The following KIF18A variants were observed in gnomAD, a reference collection of about 807,000 sequenced individuals.
KIF18A encodes kinesin-like protein KIF18A.
A neutral mutation model predicts 103.3 loss-of-function variants in KIF18A; 67 were observed. The observed-to-expected ratio is 0.65, with a 90% confidence interval of 0.53 to 0.79. The LOEUF is 0.79. Ranked by LOEUF, KIF18A falls within the 30% of genes least tolerant of loss-of-function variation. KIF18A has a pLI of 0.00. For missense variants in KIF18A, 1,032 were observed against 1,062.5 expected, an observed-to-expected ratio of 0.97 and a Z score of 0.40; for synonymous variants, 367 against 355.5, an observed-to-expected ratio of 1.03 and a Z score of -0.36.
intron 13 of KIF18A, among the ~76,000 whole-genome samples, chr11:28,054,625 A>G (rs1229868207): frequency 1.3e-5 from 2 of 152,224 alleles, no homozygotes; most frequent in Non-Finnish European, 2.9e-5. Flanking sequence ...CACCGTTCCT[A>G]TTATTCCTCC....
chr11:28,047,056 GAAAA>G (rs60204007), intron 13 of KIF18A, among the ~76,000 whole-genome samples: 2 of 71,138 alleles, frequency 2.8e-5, no homozygotes, highest in East Asian at 4.2e-4. Context: ...CTTCGTCTCA[GAAAA>G]AAAAAAAAAA....
chr11:28,097,165 C>T (rs1851386528), intron 2 of KIF18A, among the ~76,000 whole-genome samples: 1 of 152,030 alleles, frequency 6.6e-6, no homozygotes, highest in Admixed American at 6.6e-5. Context: ...TCAGTCTCCT[C>T]CTATCCTTCG....
At chr11:28,030,688 A>C (rs1420158335) in intron 15 of KIF18A, among the ~76,000 whole-genome samples, 4 of 150,998 alleles carry the variant, frequency 2.6e-5, no homozygotes, top group Non-Finnish European at 5.9e-5. Flanking sequence ...AATGGGATCT[A>C]ATTAAACTAA....
chr11:28,027,010 TCTGTTATA>T (rs1383466628), intron 15 of KIF18A, among the ~76,000 whole-genome samples: 2 of 151,822 alleles, frequency 1.3e-5, no homozygotes, highest in Non-Finnish European at 2.9e-5. Flanking sequence ...ATTCCAAGTC[TCTGTTATA>T]CTTTGTTTAG....
chr11:28,090,494 A>G (rs1232218896), intron 5 of KIF18A, 123 bp downstream of exon 5: 1 of 552,400 alleles, frequency 1.8e-6, no homozygotes, highest in Non-Finnish European at 3.2e-6. Flanking sequence ...GCTATAAAGG[A>G]AAGTACTGAC....
chr11:28,073,580 T>C (rs1185510644), intron 10 of KIF18A, among the ~76,000 whole-genome samples: 1 of 152,134 alleles, frequency 6.6e-6, no homozygotes. Context: ...GTGCCTCTGT[T>C]CCTCACAAAT....
In KIF18A at chr11:28,065,913, C is replaced by G. The variant is rs533823675; in HGVS notation, c.1590+3346G>C. ...ATATTTAAAATTTTTAATGAATATA[C>G]TTAATGCCACTGAACTGTATATGTA... On this transcript the variant is annotated intron_variant, in intron 11 of 16. Transcript: ENST00000263181. Among the ~76,000 whole-genome samples the G allele has an allele frequency of 7.2e-5, 11 of 152,034 alleles. No individual in the cohort carries two copies. In the East Asian group the frequency reaches 2.1e-3, roughly 29 times the overall value.
chr11:28,053,552 G>A (rs1323740482), intron 13 of KIF18A, among the ~76,000 whole-genome samples: 2 of 151,728 alleles, frequency 1.3e-5, no homozygotes, highest in Non-Finnish European at 2.9e-5. Context: ...TGTGCACAAC[G>A]TGCAGGTTAG....
intron 9 of KIF18A, 107 bp downstream of exon 9, chr11:28,082,749 T>C (rs1851181153): frequency 1.6e-6 from 1 of 635,622 alleles, no homozygotes. Context: ...TAAACATACA[T>C]ATCTATGTAC....
At chr11:28,089,531 A>C (rs775742606) in intron 5 of KIF18A, among the ~76,000 whole-genome samples, 13 of 152,200 alleles carry the variant, frequency 8.5e-5, no homozygotes, top group East Asian at 3.8e-4. Context: ...TACACCAACA[A>C]CACCACAAAC....
At position 28,097,967 on chromosome 11, in the gene KIF18A, T is replaced by C. The variant is rs1774316732; in HGVS notation, c.-20A>G. 2 of 1,504,394 alleles carry C rather than the reference T, an allele frequency of 1.3e-6. No individual in the cohort carries two copies. Among genetic ancestry groups the C allele is most frequent in the Non-Finnish European group, 1.8e-6 (2 of 1,116,374 alleles). The allele number at this position is 1,504,394 out of a possible 1,614,324, so 93.2% of individuals were successfully genotyped here. A position where few individuals can be genotyped will look rare whatever the true frequency, so the allele number is the denominator to read the frequency against. On this transcript the variant is annotated 5_prime_UTR_variant, in exon 2 of 17. In the 5' UTR this introduces an upstream ATG that the reference lacks. Coordinates refer to ENST00000263181, the MANE Select transcript of KIF18A (RefSeq NM_031217.4). ...AGACATTGTTGATTATCTTGATTCCTATCTGTATAAATACTTGAATACTTC... is the reference window on the plus strand; with the variant it reads ...AGACATTGTTGATTATCTTGATTCCCATCTGTATAAATACTTGAATACTTC...
At chr11:28,045,837 A>C (rs1284080750) in intron 13 of KIF18A, among the ~76,000 whole-genome samples, 5 of 151,600 alleles carry the variant, frequency 3.3e-5, no homozygotes, top group African/African-American at 1.2e-4. Flanking sequence ...CAATGAACTC[A>C]AACAAATTTA....
chr11:28,102,826 T>C (rs1314907843), intron 1 of KIF18A, among the ~76,000 whole-genome samples: 2 of 152,186 alleles, frequency 1.3e-5, no homozygotes, highest in African/African-American at 4.8e-5. Flanking sequence ...ATTAATGAGA[T>C]CGTTCCTACA....
In KIF18A at chr11:28,036,385, T is replaced by A; in HGVS notation, c.2228A>T (p.Asn743Ile). 1 of 1,611,282 alleles carries A rather than the reference T, an allele frequency of 6.2e-7. No individual in the cohort carries two copies. Among genetic ancestry groups the A allele is most frequent in the Non-Finnish European group, 8.5e-7 (1 of 1,178,236 alleles). ...TACTTCACACAACATTTTCAGACAA[T>A]TATCACTGTTTATGTTTGAGCTGAT... ...QAISSNINSD[N>I]CLKMLCEVAI... is the part of the protein sequence containing the mutation. Residue 743 changes from asparagine (N) to isoleucine (I), a missense_variant, in exon 14 of 17, where the codon AAT becomes ATT. Coordinates refer to ENST00000263181, the MANE Select transcript of KIF18A (RefSeq NM_031217.4).
At chr11:28,103,682 C>T (rs1590716472) in intron 1 of KIF18A, among the ~76,000 whole-genome samples, 1 of 151,724 alleles carries the variant, frequency 6.6e-6, no homozygotes, top group East Asian at 1.9e-4. Flanking sequence ...AATTAATAAA[C>T]TATAAAAAAT....
chr11:28,100,563 G>GT (rs945924095), intron 1 of KIF18A, among the ~76,000 whole-genome samples: 4 of 150,570 alleles, frequency 2.7e-5, no homozygotes, highest in Non-Finnish European at 4.4e-5. Context: ...GTGAGTGAAG[G>GT]GGGGGGGTGG....
At chr11:28,066,821 A>T (rs1267779706) in intron 11 of KIF18A, among the ~76,000 whole-genome samples, 4 of 121,476 alleles carry the variant, frequency 3.3e-5, no homozygotes, top group Non-Finnish European at 7.2e-5. Context: ...ATATTATATT[A>T]TATTATATTA....
intron 13 of KIF18A, among the ~76,000 whole-genome samples, chr11:28,046,247 G>C (rs1053296451): frequency 1.3e-5 from 2 of 150,866 alleles, no homozygotes; most frequent in African/African-American, 2.4e-5. Flanking sequence ...ACATGCACAC[G>C]TATGTTTATT....
intron 4 of KIF18A, among the ~76,000 whole-genome samples, chr11:28,090,942 T>C (rs1014510504): frequency 6.6e-6 from 1 of 152,108 alleles, no homozygotes; most frequent in Non-Finnish European, 1.5e-5. Context: ...GAGTGGAGTC[T>C]ATTGAGTAGA....
Sources: gnomAD v4.1 joint callset for allele counts (sites outside exome capture counted in the v4.1 genomes callset) on GRCh38, gnomAD v4.1.1 for gene constraint, MANE v1.5 for transcripts, NCBI Gene and HGNC (gene_info 2026-07-23, HGNC 2026-07-21) for gene names.